The following KCNB2 variants were observed in gnomAD, a reference collection of about 807,000 sequenced individuals.
The protein encoded by KCNB2 is delayed rectifier potassium channel protein.
Under a neutral mutation model 61.5 loss-of-function variants are expected in KCNB2, and 15 were observed. The ratio of observed to expected loss-of-function variants is 0.24; its 90% CI spans 0.16 to 0.38. The LOEUF is 0.38. Ranked by LOEUF, KCNB2 falls within the 10% of genes least tolerant of loss-of-function variation. The probability of loss-of-function intolerance (pLI) is 1.00; values close to 1 mark genes in which losing one functional copy is unlikely to be tolerated. For synonymous variants in KCNB2, 457 were observed against 446.0 expected, an observed-to-expected ratio of 1.02 and a Z score of -0.31; for missense variants, 828 against 1,125.2, an observed-to-expected ratio of 0.74 and a Z score of 3.78.
chr8:72,844,372 T>C (rs1254805365), intron 2 of KCNB2, among the ~76,000 whole-genome samples: 1 of 152,204 alleles, frequency 6.6e-6, no homozygotes, highest in African/African-American at 2.4e-5. Context: ...CCCTTAACAT[T>C]TTTTCCTTCA....
intron 2 of KCNB2, among the ~76,000 whole-genome samples, chr8:72,569,582 CTT>C (rs1428648425): frequency 6.6e-6 from 1 of 151,778 alleles, no homozygotes; most frequent in Admixed American, 6.6e-5. Flanking sequence ...AAATAGAAGA[CTT>C]TAGGTTTTTT....
At chr8:72,563,521 A>G (rs1246220031) in intron 1 of KCNB2, among the ~76,000 whole-genome samples, 1 of 152,138 alleles carries the variant, frequency 6.6e-6, no homozygotes, top group African/African-American at 2.4e-5. Context: ...AGTCTGAAAA[A>G]ATAGTTTGGT....
intron 2 of KCNB2, among the ~76,000 whole-genome samples, chr8:72,902,301 A>G (rs1279113349): frequency 2.0e-5 from 3 of 152,162 alleles, no homozygotes; most frequent in African/African-American, 7.2e-5. Context: ...GACCATGATG[A>G]AGAGCCAAAG....
chr8:72,591,843 A>G (rs1265762511), intron 2 of KCNB2, among the ~76,000 whole-genome samples: 1 of 152,162 alleles, frequency 6.6e-6, no homozygotes, highest in Non-Finnish European at 1.5e-5. Flanking sequence ...TATTTTGGCT[A>G]TTATTTTATG....
intron 1 of KCNB2, among the ~76,000 whole-genome samples, chr8:72,547,935 C>T (rs1392702766): frequency 6.6e-6 from 1 of 152,114 alleles, no homozygotes; most frequent in Non-Finnish European, 1.5e-5. Context: ...GTGCAAACTT[C>T]ATTGTTGTCT....
intron 2 of KCNB2, among the ~76,000 whole-genome samples, chr8:72,759,980 T>C (rs565520793): frequency 5.9e-5 from 9 of 152,268 alleles, no homozygotes; most frequent in African/African-American, 2.2e-4. Flanking sequence ...GGGTGTAGTG[T>C]CTAGAGTTTG....
Position 72,789,569 on chromosome 8 carries a change from C to G in KCNB2, c.580-146366C>G, listed in dbSNP as rs201851063. Among the ~76,000 whole-genome samples the G allele has an allele frequency of 2.0e-5, 3 of 152,230 alleles. No homozygotes were observed. The East Asian group carries it at 5.8e-4, about 29-fold the overall frequency. ...CAAAGCCGTGAAGGAACACAGCTTA[C>G]TCAGGCATGGAGAGTAGGACTTATA... is the stretch of plus-strand genomic sequence containing the variant. On this transcript the variant is annotated intron_variant, in intron 2 of 2. Coordinates refer to ENST00000523207, the MANE Select transcript of KCNB2 (RefSeq NM_004770.3).
chr8:72,605,345 T>G (rs1033726336), intron 2 of KCNB2, among the ~76,000 whole-genome samples: 1 of 152,180 alleles, frequency 6.6e-6, no homozygotes, highest in Non-Finnish European at 1.5e-5. Flanking sequence ...TAGACATCAT[T>G]AGGGGTTTGT....
intron 2 of KCNB2, among the ~76,000 whole-genome samples, chr8:72,771,888 G>A (rs1808567871): frequency 6.6e-6 from 1 of 152,160 alleles, no homozygotes; most frequent in African/African-American, 2.4e-5. Flanking sequence ...CCTAGGAGCG[G>A]GAAATGAAGG....
At chr8:72,628,625 T>G (rs1805831879) in intron 2 of KCNB2, among the ~76,000 whole-genome samples, 1 of 152,206 alleles carries the variant, frequency 6.6e-6, no homozygotes, top group African/African-American at 2.4e-5. Flanking sequence ...TTATTAAGGT[T>G]GGTATCTCAG....
rs1041545058 is a variant in KCNB2, at chr8:72,778,647, A to G, written c.580-157288A>G. On this transcript the variant is annotated intron_variant, in intron 2 of 2. Coordinates refer to ENST00000523207, the MANE Select transcript of KCNB2 (RefSeq NM_004770.3). ...CTACTAAGGAGGCTGAGACAGGAAG[A>G]TCACTTGAGCCCAGGAGGTCAAGGC... 4.8e-5 allele frequency among the ~76,000 whole-genome samples: 7 copies of G among 145,156 alleles called. No individual in the cohort carries two copies. In the South Asian group the frequency reaches 1.6e-3, roughly 33 times the overall value.
At chr8:72,785,420 T>G (rs10089768) in intron 2 of KCNB2, among the ~76,000 whole-genome samples, 4,902 of 152,210 alleles carry the variant, frequency 0.032, 121 homozygotes, top group Non-Finnish European at 0.049. Context: ...TCCTTGGGAG[T>G]GATGAGAGCC....
intron 2 of KCNB2, among the ~76,000 whole-genome samples, chr8:72,573,499 A>G (rs1806745874): frequency 6.6e-6 from 1 of 152,242 alleles, no homozygotes; most frequent in Non-Finnish European, 1.5e-5. Context: ...CAGTGTGAAC[A>G]ACACAGAAAC....
chr8:72,811,459 C>T (rs1809304630), intron 2 of KCNB2, among the ~76,000 whole-genome samples: 1 of 152,130 alleles, frequency 6.6e-6, no homozygotes, highest in East Asian at 1.9e-4. Flanking sequence ...GTTACTTCCA[C>T]ATTCTCATTG....
chr8:72,595,127 A>G lies in KCNB2; in HGVS notation c.579+26814A>G, dbSNP rs183281260. On this transcript the variant is annotated intron_variant, in intron 2 of 2. Transcript: ENST00000523207. ...CAATCAACATCTTGCCATTAGCAAC[A>G]AGTCCTAACTCCCTAACAGAGCCCT... Among the ~76,000 whole-genome samples the G allele has an allele frequency of 1.1e-4, 17 of 151,940 alleles. No homozygotes were observed. In the East Asian group the frequency reaches 3.1e-3, roughly 28 times the overall value.
At chr8:72,775,201 AACAG>A (rs934012811) in intron 2 of KCNB2, among the ~76,000 whole-genome samples, 3 of 152,154 alleles carry the variant, frequency 2.0e-5, no homozygotes, top group African/African-American at 7.2e-5. Context: ...CCTTCCCTGG[AACAG>A]ACAGTGACTG....
At chr8:72,760,265 A>C (rs183221555) in intron 2 of KCNB2, among the ~76,000 whole-genome samples, 7 of 152,312 alleles carry the variant, frequency 4.6e-5, no homozygotes, top group Admixed American at 4.6e-4. Flanking sequence ...TTAACTTGGA[A>C]GTGAGGACAA....
At position 72,779,137 on chromosome 8, in the gene KCNB2, TTC is replaced by T. The variant is rs1333114716; in HGVS notation, c.580-156796_580-156795del. Among the ~76,000 whole-genome samples the T allele has an allele frequency of 4.6e-5, 7 of 152,310 alleles. No individual in the cohort carries two copies. The East Asian group carries it at 1.3e-3, about 29-fold the overall frequency. On this transcript the variant is annotated intron_variant, in intron 2 of 2. Coordinates refer to ENST00000523207, the MANE Select transcript of KCNB2 (RefSeq NM_004770.3). ...CTCAGTCACAGCTTAGTCTGTCACT[TTC>T]TGAGTAGATGCCGATCAAGGCTTTG... is the stretch of plus-strand genomic sequence containing the variant.
At chr8:72,609,901 T>C (rs1005223732) in intron 2 of KCNB2, among the ~76,000 whole-genome samples, 4 of 152,186 alleles carry the variant, frequency 2.6e-5, no homozygotes, top group Non-Finnish European at 5.9e-5. Flanking sequence ...AAGTCCAGCA[T>C]TCAGGGGCTG....
Sources: gnomAD v4.1 joint callset for allele counts (sites outside exome capture counted in the v4.1 genomes callset) on GRCh38, gnomAD v4.1.1 for gene constraint, MANE v1.5 for transcripts, NCBI Gene and HGNC (gene_info 2026-07-23, HGNC 2026-07-21) for gene names.